BNC2: variants seen among roughly 807,000 people sequenced by gnomAD.
The protein encoded by BNC2 is basonuclin zinc finger protein 2.
In BNC2, 20 loss-of-function variants were observed where a neutral mutation model predicts 76.3. That is an observed-to-expected ratio of 0.26 (90% CI 0.18 to 0.38). The LOEUF is 0.38. Ranked by LOEUF, BNC2 falls within the 10% of genes least tolerant of loss-of-function variation. The pLI, the probability that BNC2 is intolerant of heterozygous loss-of-function variation, is 1.00. For synonymous variants in BNC2, 582 were observed against 514.8 expected, an observed-to-expected ratio of 1.13 and a Z score of -1.77; for missense variants, 1,382 against 1,399.8, an observed-to-expected ratio of 0.99 and a Z score of 0.20.
chr9:16,866,663 T>TA (rs55953726), intron 1 of BNC2, among the ~76,000 whole-genome samples: 6,767 of 96,748 alleles, frequency 0.07, 372 homozygotes, highest in African/African-American at 0.2. Context: ...CTGTCACTTT[T>TA]AAAAAAAAAA....
chr9:16,751,460 A>C (rs1315984984), intron 1 of BNC2, among the ~76,000 whole-genome samples: 2 of 151,928 alleles, frequency 1.3e-5, no homozygotes, highest in Non-Finnish European at 2.9e-5. Context: ...CTCCCTTTCA[A>C]GAAATCTCCC....
At chr9:16,470,541 T>C (rs541269187) in intron 5 of BNC2, among the ~76,000 whole-genome samples, 1 of 152,218 alleles carries the variant, frequency 6.6e-6, no homozygotes, top group Non-Finnish European at 1.5e-5. Flanking sequence ...GCAAAGGTGG[T>C]TTCATGGGCT....
At chr9:16,605,150 C>G (rs1343313352) in intron 3 of BNC2, among the ~76,000 whole-genome samples, 1 of 152,210 alleles carries the variant, frequency 6.6e-6, no homozygotes, top group Non-Finnish European at 1.5e-5. Context: ...AGATTGTGAC[C>G]TCTATCTAAT....
chr9:16,503,199 C>T (rs1563813506), intron 5 of BNC2, among the ~76,000 whole-genome samples: 1 of 152,134 alleles, frequency 6.6e-6, no homozygotes, highest in African/African-American at 2.4e-5. Context: ...CTCCAGCCCC[C>T]TCCCACAATT....
chr9:16,536,331 A>G (rs540741398), intron 5 of BNC2, among the ~76,000 whole-genome samples: 1 of 152,302 alleles, frequency 6.6e-6, no homozygotes, highest in South Asian at 2.1e-4. Flanking sequence ...TGCTAACTAA[A>G]TTTAATAAAA....
Position 16,437,164 on chromosome 9 carries a change from G to A in BNC2, c.1030C>T (p.Leu344=). 1 of 1,614,216 alleles carries A rather than the reference G, an allele frequency of 6.2e-7. No homozygotes were observed. The highest frequency in any genetic ancestry group is 1.3e-5 in the African/African-American group (1 of 75,060). The change falls in exon 6 of 7, where the codon CTG becomes TTG. Residue 344 remains leucine, a synonymous_variant. Transcript: ENST00000380672. ...AGCCTCAACCCTGGTTGCTCTAACAGTAGCCCATTTGGAGGCAACCCTAGC... is the reference window on the plus strand; with the variant it reads ...AGCCTCAACCCTGGTTGCTCTAACAATAGCCCATTTGGAGGCAACCCTAGC... ...PLLGLPPNGL[L]LEQPGLRLRE...
chr9:16,736,494 G>A (rs75618357), intron 2 of BNC2, among the ~76,000 whole-genome samples: 1 of 94,048 alleles, frequency 1.1e-5, no homozygotes, highest in Non-Finnish European at 2.3e-5. Flanking sequence ...TTTTTTTTTT[G>A]AGACAGAGTC....
intron 1 of BNC2, among the ~76,000 whole-genome samples, chr9:16,762,811 C>T (rs1434944881): frequency 1.3e-5 from 2 of 152,140 alleles, no homozygotes; most frequent in African/African-American, 2.4e-5. Context: ...GTATACAGCA[C>T]TGTAATAAAA....
chr9:16,771,941 T>C (rs574717236), intron 1 of BNC2, among the ~76,000 whole-genome samples: 2 of 152,268 alleles, frequency 1.3e-5, no homozygotes, highest in East Asian at 3.9e-4. Flanking sequence ...GGGGGGAGGA[T>C]GGCAGGGACT....
chr9:16,495,190 A>G (rs912859118), intron 5 of BNC2, among the ~76,000 whole-genome samples: 3 of 152,202 alleles, frequency 2.0e-5, no homozygotes, highest in African/African-American at 7.2e-5. Flanking sequence ...CTAAATTATT[A>G]GCAGATCCTA....
chr9:16,635,350 T>C (rs1051653268), intron 3 of BNC2, among the ~76,000 whole-genome samples: 3 of 152,244 alleles, frequency 2.0e-5, no homozygotes, highest in African/African-American at 7.2e-5. Flanking sequence ...TTACTGATTT[T>C]GTTTATTTAC....
intron 1 of BNC2, among the ~76,000 whole-genome samples, chr9:16,803,436 C>T (rs900747907): frequency 1.3e-5 from 2 of 152,154 alleles, no homozygotes; most frequent in African/African-American, 4.8e-5. Flanking sequence ...TTATCCAGCA[C>T]ATAGCAAGCC....
At chr9:16,854,225 G>A (rs578009267) in intron 1 of BNC2, among the ~76,000 whole-genome samples, 39 of 152,332 alleles carry the variant, frequency 2.6e-4, no homozygotes, top group South Asian at 1.2e-3. Context: ...TTGGGAAGCT[G>A]CTAGAATTAA....
At chr9:16,613,828 G>A (rs1352906599) in intron 3 of BNC2, among the ~76,000 whole-genome samples, 1 of 152,164 alleles carries the variant, frequency 6.6e-6, no homozygotes, top group Non-Finnish European at 1.5e-5. Flanking sequence ...GGCATGTCAT[G>A]GAAGACTGCA....
chr9:16,847,469 T>C (rs1171629386), intron 1 of BNC2, among the ~76,000 whole-genome samples: 1 of 138,570 alleles, frequency 7.2e-6, no homozygotes, highest in Non-Finnish European at 1.5e-5. Context: ...ATTAAGGAAG[T>C]TGACTTTATA....
chr9:16,623,593 C>T (rs1163047224), intron 3 of BNC2, among the ~76,000 whole-genome samples: 1 of 152,112 alleles, frequency 6.6e-6, no homozygotes, highest in Non-Finnish European at 1.5e-5. Flanking sequence ...TGATGTGTAG[C>T]TGATTTTAAG....
intron 1 of BNC2, among the ~76,000 whole-genome samples, chr9:16,774,845 C>T (rs916788697): frequency 1.3e-5 from 2 of 152,198 alleles, no homozygotes; most frequent in Non-Finnish European, 2.9e-5. Flanking sequence ...GATGCCTTAT[C>T]TGCTGGCCTA....
Position 16,436,377 on chromosome 9 carries a change from G to A in BNC2, c.1817C>T (p.Pro606Leu), listed in dbSNP as rs116528562. The A allele has an allele frequency of 6.6e-4, 1,073 of 1,614,076 alleles. 11 individuals are homozygous for A. The African/African-American group carries it at 0.013, about 20-fold the overall frequency. ...PTSGTIEQHP[P>L]PPSEPVVPAV... is the part of the protein sequence containing the mutation. ...TGGCACTACTGGCTCAGAGGGTGGC[G>A]GGGGGTGCTGCTCTATGGTACCACT... is the stretch of plus-strand genomic sequence containing the variant. Residue 606 changes from proline to leucine, a missense_variant, in exon 6 of 7, where the codon CCG (proline) becomes CTG (leucine). Transcript: ENST00000380672.
At chr9:16,560,896 AGAACCAACCAACGC>A (rs1818991973) in intron 4 of BNC2, among the ~76,000 whole-genome samples, 1 of 152,252 alleles carries the variant, frequency 6.6e-6, no homozygotes, top group Admixed American at 6.5e-5. Flanking sequence ...CCACAGAGCC[AGAACCAACCAACGC>A]AGGAAAGTTC....
Sources: gnomAD v4.1 joint callset for allele counts (sites outside exome capture counted in the v4.1 genomes callset) on GRCh38, gnomAD v4.1.1 for gene constraint, MANE v1.5 for transcripts, NCBI Gene and HGNC (gene_info 2026-07-23, HGNC 2026-07-21) for gene names.